The following CDC73 variants were observed in gnomAD, a reference collection of about 807,000 sequenced individuals.
CDC73 encodes the protein cell division cycle 73, also known as parafibromin.
Under a neutral mutation model 83.7 loss-of-function variants are expected in CDC73, and 21 were observed. The ratio of observed to expected loss-of-function variants is 0.25; its 90% CI spans 0.18 to 0.36. CDC73 has a LOEUF of 0.36. CDC73 is among the 10% of genes least tolerant of loss of function. The pLI is 1.00. For missense variants in CDC73, 342 were observed against 653.3 expected, an observed-to-expected ratio of 0.52 and a Z score of 5.19; for synonymous variants, 224 against 212.9, an observed-to-expected ratio of 1.05 and a Z score of -0.45.
rs1206844252 is a variant in CDC73 at position 193,138,277 on chromosome 1, T to C, written c.512+104T>C. ...TCCACATTTACATTTACCTCTTGGA[T>C]TCATTTTATGCCTCTTTGCTCTTAA... On this transcript the variant is annotated intron_variant, in intron 6 of 16. Transcript: ENST00000367435. 3.7e-6 allele frequency: 3 copies of C among 813,194 alleles called. No individual in the cohort carries two copies. The African/African-American group carries it at 5.1e-5, about 14-fold the overall frequency. The allele number at this position is 813,194 out of a possible 1,614,324, so 50.4% of individuals were successfully genotyped here.
At chr1:193,152,801 A>G (rs1157545182) in intron 10 of CDC73, among the ~76,000 whole-genome samples, 2 of 151,946 alleles carry the variant, frequency 1.3e-5, no homozygotes, top group Admixed American at 6.6e-5. Flanking sequence ...TTTTTTTGAG[A>G]CAGAGTCTCG....
At chr1:193,137,190 G>C (rs1217289040) in intron 5 of CDC73, among the ~76,000 whole-genome samples, 1 of 152,118 alleles carries the variant, frequency 6.6e-6, no homozygotes, top group Non-Finnish European at 1.5e-5. Context: ...GAGAAATCTG[G>C]GCTATATCTT....
Position 193,252,229 on chromosome 1 carries a change from CT to C in CDC73, c.*1518del, listed in dbSNP as rs1558327056. 2 of 230,796 alleles carry C rather than the reference CT, an allele frequency of 8.7e-6. No homozygotes were observed. Among genetic ancestry groups the C allele is most frequent in the African/African-American group, 2.2e-5 (1 of 45,228 alleles). The allele number at this position is 230,796 out of a possible 1,614,324, so 14.3% of individuals were successfully genotyped here. A position where few individuals can be genotyped will look rare whatever the true frequency, so the allele number is the denominator to read the frequency against. On this transcript the variant is annotated 3_prime_UTR_variant, in exon 17 of 17. Transcript: ENST00000367435. ...AACAAGGTTTGAACAGATTCTACCC[CT>C]ATTTTCCTCCCTTTTTAGCGTCTTC...
At chr1:193,146,404 T>G (rs1335435397) in intron 7 of CDC73, among the ~76,000 whole-genome samples, 1 of 152,130 alleles carries the variant, frequency 6.6e-6, no homozygotes, top group East Asian at 1.9e-4. Flanking sequence ...ATTTCTCATA[T>G]TTCTGTAGGC....
At chr1:193,217,621 C>G (rs1677392795) in intron 13 of CDC73, among the ~76,000 whole-genome samples, 1 of 152,028 alleles carries the variant, frequency 6.6e-6, no homozygotes, top group African/African-American at 2.4e-5. Context: ...TCTTCTTCTG[C>G]TGATATGCTC....
intron 7 of CDC73, among the ~76,000 whole-genome samples, chr1:193,145,743 A>G (rs1382754892): frequency 6.6e-6 from 1 of 152,212 alleles, no homozygotes; most frequent in Non-Finnish European, 1.5e-5. Context: ...CCAGAGAATT[A>G]TAGGAACTAG....
chr1:193,200,437 G>A lies in CDC73; in HGVS notation c.973-3358G>A, dbSNP rs143777179. Among the ~76,000 whole-genome samples the A allele has an allele frequency of 1.8e-3, 268 of 152,298 alleles. 1 individual carries two copies. Among genetic ancestry groups the A allele is most frequent in the African/African-American group, 6.2e-3 (258 of 41,576 alleles). On this transcript the variant is annotated intron_variant, in intron 10 of 16. Transcript: ENST00000367435. ...TGCTAAAATAATGAAAGCAAGGATT[G>A]CTTGTAAACAGCATACTTTGTTTTG...
At chr1:193,224,006 T>C (rs1045878779) in intron 13 of CDC73, among the ~76,000 whole-genome samples, 1 of 152,040 alleles carries the variant, frequency 6.6e-6, no homozygotes, top group Non-Finnish European at 1.5e-5. Flanking sequence ...GTTGGAAATA[T>C]TCAAATTATT....
At chr1:193,180,085 T>G in intron 10 of CDC73, 1 of 423,096 alleles carries the variant, frequency 2.4e-6, no homozygotes, top group Non-Finnish European at 4.0e-6. Flanking sequence ...CTTATACAGT[T>G]TTTTAAATAG....
chr1:193,122,531 A>C (rs1675473487), intron 1 of CDC73, 200 bp downstream of exon 1: 1 of 601,180 alleles, frequency 1.7e-6, no homozygotes, highest in South Asian at 1.9e-5. Flanking sequence ...GCAGTTCATC[A>C]CTTAAAATTT....
chr1:193,181,267 G>A, intron 10 of CDC73: 2 of 1,614,058 alleles, frequency 1.2e-6, no homozygotes, highest in Non-Finnish European at 8.5e-7. Context: ...TGTGTTATTA[G>A]AGTTAGTTGC....
chr1:193,229,798 C>T (rs907522519), intron 13 of CDC73, among the ~76,000 whole-genome samples: 5 of 152,118 alleles, frequency 3.3e-5, no homozygotes, highest in African/African-American at 1.2e-4. Flanking sequence ...TGAAAGAAGC[C>T]AGGTACAAAA....
chr1:193,222,326 A>G (rs1038745347), intron 13 of CDC73, among the ~76,000 whole-genome samples: 6 of 152,214 alleles, frequency 3.9e-5, no homozygotes, highest in African/African-American at 1.4e-4. Flanking sequence ...CAGCACATGT[A>G]TGTGAGAAAA....
intron 10 of CDC73, among the ~76,000 whole-genome samples, chr1:193,202,667 G>T (rs550212393): frequency 6.9e-6 from 1 of 145,222 alleles, no homozygotes; most frequent in Non-Finnish European, 1.5e-5. Flanking sequence ...CTGCTCCTGC[G>T]GCTGTTGTTT....
intron 13 of CDC73, among the ~76,000 whole-genome samples, chr1:193,230,455 G>GTT (rs1677642340): frequency 9.6e-6 from 1 of 104,712 alleles, no homozygotes; most frequent in Non-Finnish European, 1.9e-5. Flanking sequence ...CCCTAATCCC[G>GTT]TATTTTTTTT....
intron 11 of CDC73, among the ~76,000 whole-genome samples, chr1:193,205,207 C>CG (rs1458256327): frequency 9.5e-6 from 1 of 105,796 alleles, no homozygotes; most frequent in Non-Finnish European, 2.0e-5. Context: ...CCCCCCCCCC[C>CG]CTTTTTTTTT....
chr1:193,150,795 T>G (rs1676090953), intron 9 of CDC73, among the ~76,000 whole-genome samples: 1 of 152,228 alleles, frequency 6.6e-6, no homozygotes, highest in South Asian at 2.1e-4. Context: ...TGTGTATAAT[T>G]AAAATGTTAT....
intron 10 of CDC73, chr1:193,181,085 C>G (rs1676706733): frequency 6.2e-7 from 1 of 1,614,052 alleles, no homozygotes; most frequent in South Asian, 1.1e-5. Flanking sequence ...TGTCCAGGCT[C>G]TGCAGCTATT....
At chr1:193,200,640 C>T (rs932779517) in intron 10 of CDC73, among the ~76,000 whole-genome samples, 5 of 152,066 alleles carry the variant, frequency 3.3e-5, no homozygotes, top group African/African-American at 9.7e-5. Flanking sequence ...GTTTTTGTGC[C>T]GATACCTTTC....
Sources: gnomAD v4.1 joint callset for allele counts (sites outside exome capture counted in the v4.1 genomes callset) on GRCh38, gnomAD v4.1.1 for gene constraint, MANE v1.5 for transcripts, NCBI Gene and HGNC (gene_info 2026-07-23, HGNC 2026-07-21) for gene names.